PCDH17: variants seen among roughly 807,000 people sequenced by gnomAD.
PCDH17 encodes protocadherin 17.
PCDH17 carries 21 observed loss-of-function variants against 67.7 expected under a neutral mutation model. That is an observed-to-expected ratio of 0.31 (90% CI 0.22 to 0.45). The LOEUF (loss-of-function observed/expected upper bound fraction) is 0.45. Among genes scored for constraint, PCDH17 ranks in the 20% least tolerant of loss-of-function variants. PCDH17 has a pLI of 1.00. For synonymous variants in PCDH17, 701 were observed against 656.7 expected (o/e 1.07, Z -1.03); for missense variants, 1,471 against 1,564.8 (o/e 0.94, Z 1.01).
At chr13:57,722,598 T>C (rs1955880146) in intron 3 of PCDH17, among the ~76,000 whole-genome samples, 1 of 152,082 alleles carries the variant, frequency 6.6e-6, no homozygotes, top group African/African-American at 2.4e-5. Flanking sequence ...AACCTTTCTT[T>C]TTGCTTTTCT....
chr13:57,700,919 C>T (rs957136979), intron 3 of PCDH17, among the ~76,000 whole-genome samples: 6 of 151,960 alleles, frequency 3.9e-5, no homozygotes, highest in African/African-American at 1.2e-4. Context: ...CTCCCAACTA[C>T]GTCGGAGGTT....
intron 1 of PCDH17, among the ~76,000 whole-genome samples, chr13:57,643,660 A>C (rs1242815943): frequency 6.6e-6 from 1 of 151,656 alleles, no homozygotes; most frequent in Non-Finnish European, 1.5e-5. Flanking sequence ...TAAGTCATAC[A>C]AAAAAGATAA....
intron 3 of PCDH17, among the ~76,000 whole-genome samples, chr13:57,691,015 A>G (rs1156996039): frequency 6.6e-6 from 1 of 151,510 alleles, no homozygotes; most frequent in Non-Finnish European, 1.5e-5. Flanking sequence ...TAAAAATTAC[A>G]GCCTCAGAAT....
chr13:57,641,430 A>T (rs1193879477), intron 1 of PCDH17, among the ~76,000 whole-genome samples: 2 of 150,412 alleles, frequency 1.3e-5, no homozygotes, highest in Admixed American at 1.3e-4. Flanking sequence ...AAAAGAAAAA[A>T]AACACGCAAA....
At chr13:57,717,809 A>C (rs1244815879) in intron 3 of PCDH17, among the ~76,000 whole-genome samples, 3 of 152,054 alleles carry the variant, frequency 2.0e-5, no homozygotes, top group Non-Finnish European at 4.4e-5. Context: ...CCAGATTAGC[A>C]GTGTATACTC....
chr13:57,687,431 A>G (rs575399738), intron 3 of PCDH17, among the ~76,000 whole-genome samples: 129 of 152,154 alleles, frequency 8.5e-4, no homozygotes, highest in Middle Eastern at 3.4e-3. Flanking sequence ...TGTTCAGATT[A>G]GAAGTAGCTA....
chr13:57,681,913 T>C (rs576095960), intron 3 of PCDH17, among the ~76,000 whole-genome samples: 1 of 151,902 alleles, frequency 6.6e-6, no homozygotes, highest in African/African-American at 2.4e-5. Context: ...ATATCTACAT[T>C]ATACACACAA....
intron 1 of PCDH17, among the ~76,000 whole-genome samples, chr13:57,655,561 T>C (rs2138007006): frequency 6.6e-6 from 1 of 152,118 alleles, no homozygotes; most frequent in East Asian, 1.9e-4. Context: ...AAAAGGTAGG[T>C]ATTCATAGGT....
intron 3 of PCDH17, among the ~76,000 whole-genome samples, chr13:57,695,544 C>A (rs1955598655): frequency 6.6e-6 from 1 of 150,864 alleles, no homozygotes; most frequent in Non-Finnish European, 1.5e-5. Context: ...ATTTTGTCTT[C>A]AGTGGAAAGA....
intron 3 of PCDH17, among the ~76,000 whole-genome samples, chr13:57,676,582 A>G (rs1955393363): frequency 6.6e-6 from 1 of 151,914 alleles, no homozygotes; most frequent in South Asian, 2.1e-4. Flanking sequence ...TTAATGAGAA[A>G]GAATATTGGG....
chr13:57,683,167 C>T (rs1422969189), intron 3 of PCDH17, among the ~76,000 whole-genome samples: 1 of 151,752 alleles, frequency 6.6e-6, no homozygotes, highest in East Asian at 1.9e-4. Flanking sequence ...TCTAACCAGC[C>T]TAGGTGGTAT....
At chr13:57,716,650 T>G (rs891159819) in intron 3 of PCDH17, among the ~76,000 whole-genome samples, 3 of 151,964 alleles carry the variant, frequency 2.0e-5, no homozygotes, top group African/African-American at 7.2e-5. Context: ...AAAATGTAAC[T>G]GATCATGAAT....
intron 3 of PCDH17, among the ~76,000 whole-genome samples, chr13:57,681,842 G>A (rs946659740): frequency 1.2e-4 from 18 of 151,624 alleles, no homozygotes; most frequent in Non-Finnish European, 4.4e-5. Context: ...TTTTTTAAAT[G>A]TTGTATTTAT....
Position 57,726,480 on chromosome 13 carries a change from G to T in PCDH17, c.*1186G>T, listed in dbSNP as rs1955917405. ...GTAGCTGTCGAACTCTATGAGTTTT[G>T]TTTTTTCCTGCTTCCTTTTCCCCAT... On this transcript the variant is annotated 3_prime_UTR_variant, in exon 4 of 4. Transcript: ENST00000377918. 6.6e-6 allele frequency: 1 copy of T among 152,594 alleles called. No individual in the cohort carries two copies. The highest frequency in any genetic ancestry group is 1.5e-5 in the Non-Finnish European group (1 of 68,026). The allele number at this position is 152,594 out of a possible 1,614,324, so 9.5% of individuals were successfully genotyped here.
chr13:57,643,178 A>C (rs1954924466), intron 1 of PCDH17, among the ~76,000 whole-genome samples: 1 of 151,622 alleles, frequency 6.6e-6, no homozygotes, highest in Non-Finnish European at 1.5e-5. Flanking sequence ...TCATGAAAAG[A>C]ATTACCTAAC....
At chr13:57,654,253 T>C (rs1309489161) in intron 1 of PCDH17, among the ~76,000 whole-genome samples, 1 of 152,106 alleles carries the variant, frequency 6.6e-6, no homozygotes. Flanking sequence ...AATACTGTAC[T>C]CTGCCATTGA....
chr13:57,692,373 A>G (rs1332000059), intron 3 of PCDH17, among the ~76,000 whole-genome samples: 2 of 151,250 alleles, frequency 1.3e-5, no homozygotes, highest in Non-Finnish European at 3.0e-5. Context: ...TTAAAGTTTT[A>G]CTTTTTAAAT....
At chr13:57,641,380 C>T (rs1954890790) in intron 1 of PCDH17, among the ~76,000 whole-genome samples, 1 of 146,250 alleles carries the variant, frequency 6.8e-6, no homozygotes, top group Admixed American at 6.9e-5. Context: ...CTTGCTACTG[C>T]AGAAATACTA....
At chr13:57,652,354 A>G (rs1955053233) in intron 1 of PCDH17, among the ~76,000 whole-genome samples, 4 of 151,152 alleles carry the variant, frequency 2.6e-5, no homozygotes, top group Admixed American at 1.3e-4. Flanking sequence ...AATTAATTTT[A>G]CTACAAATTT....
Sources: gnomAD v4.1 joint callset for allele counts (sites outside exome capture counted in the v4.1 genomes callset) on GRCh38, gnomAD v4.1.1 for gene constraint, MANE v1.5 for transcripts, NCBI Gene and HGNC (gene_info 2026-07-23, HGNC 2026-07-21) for gene names.